Variants in CTTNBP2NL observed in about 807,000 individuals in gnomAD.
The protein encoded by CTTNBP2NL is CTTNBP2 N-terminal like, also known as CTTNBP2 N-terminal-like protein.
A neutral mutation model predicts 32.5 loss-of-function variants in CTTNBP2NL; 16 were observed. The observed-to-expected ratio is 0.49, with a 90% CI of 0.33 to 0.75. The LOEUF (loss-of-function observed/expected upper bound fraction) is 0.75, where lower values mean the gene tolerates loss of function less well. Ranked by LOEUF, CTTNBP2NL falls within the 30% of genes least tolerant of loss-of-function variation. The pLI, the probability that CTTNBP2NL is intolerant of heterozygous loss-of-function variation, is 0.02. For synonymous variants in CTTNBP2NL, 298 were observed against 289.4 expected (o/e 1.03, Z -0.30); for missense variants, 645 against 756.0 (o/e 0.85, Z 1.72).
At chr1:112,415,563 T>G (rs1299935964) in intron 2 of CTTNBP2NL, among the ~76,000 whole-genome samples, 6 of 48,156 alleles carry the variant, frequency 1.2e-4, no homozygotes, top group East Asian at 1.8e-3. Flanking sequence ...TTTTTTTTGG[T>G]TTTTTTTTTT....
Position 112,456,343 on chromosome 1 carries a change from G to A in CTTNBP2NL, c.851G>A (p.Ser284Asn), listed in dbSNP as rs1226515466. ...VKDLEASHQH[S>N]SPNEQLKKPV... ...GACCTAGAGGCTTCCCACCAGCACA[G>A]TAGCCCTAATGAGCAATTGAAGAAA... Residue 284 changes from serine to asparagine, a missense_variant, in exon 6 of 6, where the codon AGT (serine) becomes AAT (asparagine). Coordinates refer to ENST00000271277, the MANE Select transcript of CTTNBP2NL (RefSeq NM_018704.3). 6.2e-7 allele frequency: 1 copy of A among 1,614,030 alleles called. No homozygotes were observed. Among genetic ancestry groups the A allele is most frequent in the Non-Finnish European group, 8.5e-7 (1 of 1,180,020 alleles).
At chr1:112,399,049 G>C (rs571911040) in intron 1 of CTTNBP2NL, among the ~76,000 whole-genome samples, 2 of 152,044 alleles carry the variant, frequency 1.3e-5, no homozygotes, top group East Asian at 3.9e-4. Flanking sequence ...GCCAGGCTTG[G>C]TGGCTCACAT....
chr1:112,424,360 CTCTGT>C (rs1463526482), intron 3 of CTTNBP2NL, among the ~76,000 whole-genome samples: 1 of 152,120 alleles, frequency 6.6e-6, no homozygotes, highest in Admixed American at 6.5e-5. Flanking sequence ...TTTCTAGACC[CTCTGT>C]TCTGTTCTTT....
intron 4 of CTTNBP2NL, among the ~76,000 whole-genome samples, chr1:112,451,663 G>A (rs1407759946): frequency 6.6e-6 from 1 of 151,018 alleles, no homozygotes; most frequent in Non-Finnish European, 1.5e-5. Flanking sequence ...CCAGCTACTC[G>A]GGAGGCTGAG....
chr1:112,430,615 G>T (rs561915310), intron 3 of CTTNBP2NL, among the ~76,000 whole-genome samples: 1 of 142,350 alleles, frequency 7.0e-6, no homozygotes, highest in Non-Finnish European at 1.5e-5. Context: ...GTGCAGTGAC[G>T]TGATCTCGGC....
chr1:112,447,800 A>G (rs1490654791), intron 3 of CTTNBP2NL, among the ~76,000 whole-genome samples: 1 of 152,180 alleles, frequency 6.6e-6, no homozygotes, highest in East Asian at 1.9e-4. Flanking sequence ...GTTTTTTAAA[A>G]TGGATAAATA....
chr1:112,414,259 G>A (rs1197266787), intron 2 of CTTNBP2NL, among the ~76,000 whole-genome samples: 1 of 152,034 alleles, frequency 6.6e-6, no homozygotes, highest in East Asian at 1.9e-4. Context: ...CAGCTACTCA[G>A]AGGCTGAGAC....
intron 3 of CTTNBP2NL, among the ~76,000 whole-genome samples, chr1:112,420,994 T>TA (rs1649211605): frequency 6.6e-6 from 1 of 152,202 alleles, no homozygotes; most frequent in African/African-American, 2.4e-5. Context: ...GTTTTATTGG[T>TA]AAAATGTTAT....
chr1:112,395,857 C>T (rs895191796), upstream of CTTNBP2NL, among the ~76,000 whole-genome samples: 2 of 152,256 alleles, frequency 1.3e-5, no homozygotes, highest in African/African-American at 2.4e-5. Flanking sequence ...CCACCAGAGC[C>T]CTCCATTCCT....
intron 1 of CTTNBP2NL, among the ~76,000 whole-genome samples, chr1:112,405,245 T>C (rs1162355668): frequency 6.6e-6 from 1 of 152,220 alleles, no homozygotes; most frequent in Non-Finnish European, 1.5e-5. Flanking sequence ...TAGTTTGGCC[T>C]TGTCTCAGAT....
At chr1:112,408,533 C>T (rs1251205880) in intron 1 of CTTNBP2NL, among the ~76,000 whole-genome samples, 1 of 152,032 alleles carries the variant, frequency 6.6e-6, no homozygotes, top group East Asian at 1.9e-4. Flanking sequence ...CACCTTCTAC[C>T]TCCAATATGA....
chr1:112,408,219 A>T lies in CTTNBP2NL; in HGVS notation c.-133-3975A>T, dbSNP rs868344794. Among the ~76,000 whole-genome samples, 508 of 117,668 alleles carry T rather than the reference A, an allele frequency of 4.3e-3. 1 individual carries two copies. The highest frequency in any genetic ancestry group is 0.025 in the African/African-American group (474 of 19,314). The allele number at this position is 117,668 out of a possible 152,430, so 77.2% of individuals were successfully genotyped here. ...AAATTACTTTCTTTCTTTTTTTTTT[A>T]ATTTTTTTTTTTTTTTTTTTTTTGC... On this transcript the variant is annotated intron_variant, in intron 1 of 5. Transcript: ENST00000271277.
chr1:112,423,703 A>T (rs924914867), intron 3 of CTTNBP2NL, among the ~76,000 whole-genome samples: 7 of 152,262 alleles, frequency 4.6e-5, no homozygotes, highest in Non-Finnish European at 7.4e-5. Context: ...TTTCATTTCC[A>T]TGAAGTCCAA....
intron 4 of CTTNBP2NL, 151 bp from the exon 5 acceptor site, chr1:112,454,298 T>C (rs1461151065): frequency 1.6e-6 from 1 of 614,246 alleles, no homozygotes; most frequent in African/African-American, 1.8e-5. Flanking sequence ...GGCAGTGTGC[T>C]CCTTGATAGC....
rs1264942323 is a variant in CTTNBP2NL at position 112,459,572 on chromosome 1, TAAA to T, written c.*2163_*2165del. ...TTGATAAAGGCAAATACATGAAAAATAAAAATGCTACTAATGCCCCAAGGTGTC... is the reference window on the plus strand; with the variant it reads ...TTGATAAAGGCAAATACATGAAAAATAATGCTACTAATGCCCCAAGGTGTC... On this transcript the variant is annotated 3_prime_UTR_variant, in exon 6 of 6. Coordinates refer to ENST00000271277, the MANE Select transcript of CTTNBP2NL (RefSeq NM_018704.3). 1 of 152,106 alleles carries T rather than the reference TAAA, an allele frequency of 6.6e-6. No homozygotes were observed. Among genetic ancestry groups the T allele is most frequent in the Non-Finnish European group, 1.5e-5 (1 of 68,012 alleles). 9.4% of individuals were successfully genotyped at this position (152,106 alleles called of 1,614,324 possible). A position where few individuals can be genotyped will look rare whatever the true frequency, so the allele number is the denominator to read the frequency against.
At chr1:112,423,353 G>T (rs1004612434) in intron 3 of CTTNBP2NL, among the ~76,000 whole-genome samples, 5 of 151,970 alleles carry the variant, frequency 3.3e-5, no homozygotes, top group African/African-American at 7.2e-5. Flanking sequence ...ACTGAGAGTA[G>T]ATTTTAAATG....
intron 1 of CTTNBP2NL, among the ~76,000 whole-genome samples, chr1:112,403,798 C>G (rs1648577440): frequency 6.6e-6 from 1 of 152,222 alleles, no homozygotes; most frequent in Admixed American, 6.5e-5. Context: ...GAACATGTCT[C>G]TAAACTGACT....
intron 3 of CTTNBP2NL, among the ~76,000 whole-genome samples, chr1:112,443,406 G>T (rs1477370451): frequency 6.6e-6 from 1 of 152,160 alleles, no homozygotes; most frequent in African/African-American, 2.4e-5. Context: ...TAGAAATGGG[G>T]TTTCACCATG....
At chr1:112,433,478 A>G (rs186029733) in intron 3 of CTTNBP2NL, among the ~76,000 whole-genome samples, 127 of 152,196 alleles carry the variant, frequency 8.3e-4, no homozygotes, top group African/African-American at 3.0e-3. Flanking sequence ...CTGTAATCCC[A>G]CTACTCAGGA....
Sources: allele counts gnomAD v4.1 joint callset (sites outside exome capture counted in the v4.1 genomes callset), GRCh38; gene constraint gnomAD v4.1.1; transcripts MANE v1.5; gene names NCBI Gene and HGNC (gene_info 2026-07-23, HGNC 2026-07-21).